The following CABIN1 variants were observed in gnomAD, a reference collection of about 807,000 sequenced individuals.
The protein encoded by CABIN1 is calcineurin binding protein 1.
CABIN1 carries 133 observed loss-of-function variants against 227.7 expected under a neutral mutation model. That is an observed-to-expected ratio of 0.58 (90% CI 0.51 to 0.67). The LOEUF (loss-of-function observed/expected upper bound fraction) is 0.67. Among genes scored for constraint, CABIN1 ranks in the 30% least tolerant of loss-of-function variants. CABIN1 has a pLI of 0.00. For missense variants in CABIN1, 2,408 were observed against 2,852.5 expected (o/e 0.84, Z 3.55); for synonymous variants, 1,086 against 1,155.1 (o/e 0.94, Z 1.21).
intron 28 of CABIN1, among the ~76,000 whole-genome samples, chr22:24,121,859 T>C (rs1427716134): frequency 2.0e-5 from 3 of 152,258 alleles, no homozygotes; most frequent in African/African-American, 7.2e-5. Context: ...TGGTCAGCTC[T>C]GACCAGGATC....
chr22:24,111,709 A>G (rs1010856088), intron 26 of CABIN1, among the ~76,000 whole-genome samples: 3 of 152,248 alleles, frequency 2.0e-5, no homozygotes, highest in African/African-American at 7.2e-5. Context: ...TCAAAATTCA[A>G]AATTTGAAGT....
chr22:24,093,571 TA>T (rs1010261303), intron 24 of CABIN1, among the ~76,000 whole-genome samples: 25 of 148,704 alleles, frequency 1.7e-4, no homozygotes, highest in East Asian at 1.0e-3. Context: ...AAAACTCATT[TA>T]AAAAAAAATG....
intron 28 of CABIN1, among the ~76,000 whole-genome samples, chr22:24,131,895 A>G (rs1337089532): frequency 6.6e-6 from 1 of 152,060 alleles, no homozygotes; most frequent in African/African-American, 2.4e-5. Context: ...GTGAAACCCC[A>G]TCTCTACTAA....
At chr22:24,116,865 G>A (rs1206215742) in intron 27 of CABIN1, among the ~76,000 whole-genome samples, 2 of 152,212 alleles carry the variant, frequency 1.3e-5, no homozygotes, top group Non-Finnish European at 2.9e-5. Context: ...GTTGGCCTTG[G>A]CATATGCACC....
intron 29 of CABIN1, among the ~76,000 whole-genome samples, chr22:24,145,979 G>A (rs770499783): frequency 2.0e-5 from 3 of 152,182 alleles, no homozygotes; most frequent in Admixed American, 6.5e-5. Context: ...TCTGCCTCTG[G>A]CTCTGCCCTT....
At position 24,178,238 on chromosome 22, in the gene CABIN1, C is replaced by T. The variant is rs919930528; in HGVS notation, c.*42C>T. The T allele has an allele frequency of 1.2e-6, 2 of 1,610,822 alleles. No homozygotes were observed. The highest frequency in any genetic ancestry group is 1.3e-5 in the African/African-American group (1 of 74,872). ...CACCGCCACGCCCCAGGGGACCAGC[C>T]AGGCCTGGAATGCCCCCTGGGCAGG... On this transcript the variant is annotated 3_prime_UTR_variant, in exon 37 of 37. Coordinates refer to ENST00000263119, the MANE Select transcript of CABIN1 (RefSeq NM_012295.4).
chr22:24,093,376 C>T (rs758381123), intron 24 of CABIN1, among the ~76,000 whole-genome samples: 2 of 150,774 alleles, frequency 1.3e-5, no homozygotes, highest in African/African-American at 4.9e-5. Flanking sequence ...TATGGTGAAA[C>T]CTTATCTCTA....
In CABIN1 at chr22:24,060,043, T is replaced by A. The variant is rs749149158; in HGVS notation, c.1519T>A (p.Leu507Met). The A allele has an allele frequency of 1.2e-6, 2 of 1,614,130 alleles. No homozygotes were observed. Among genetic ancestry groups the A allele is most frequent in the Admixed American group, 3.3e-5 (2 of 60,020 alleles). The stretch of plus-strand genomic sequence containing the variant: ...GTTCTTGGTAAGGTGGCCTCCAGGC[T>A]TGGCGGAGGTCGTGCTCAGCGTCTA... Reference protein sequence around the residue: ...HKFLVRWPPGLAEVVLSVYHS... With the variant: ...HKFLVRWPPGMAEVVLSVYHS... The change falls in exon 12 of 37, where the codon TTG (leucine) becomes ATG (methionine). Residue 507 changes from leucine (L) to methionine (M), a missense_variant. Leu to Met is a conservative substitution (Grantham distance 15, BLOSUM62 2). Transcript: ENST00000263119.
At chr22:24,019,278 G>A (rs980702230) in intron 1 of CABIN1, among the ~76,000 whole-genome samples, 5 of 151,864 alleles carry the variant, frequency 3.3e-5, no homozygotes, top group African/African-American at 1.2e-4. Context: ...TTACAGGCAT[G>A]CGCCACCATG....
intron 29 of CABIN1, among the ~76,000 whole-genome samples, chr22:24,150,870 C>T (rs1031770220): frequency 5.3e-5 from 8 of 152,188 alleles, no homozygotes; most frequent in African/African-American, 1.9e-4. Context: ...CTGTCCCATT[C>T]CCTCACATAA....
At chr22:24,017,537 A>G (rs1202855545) in intron 1 of CABIN1, among the ~76,000 whole-genome samples, 1 of 152,140 alleles carries the variant, frequency 6.6e-6, no homozygotes, top group African/African-American at 2.4e-5. Flanking sequence ...GTTTCTATGA[A>G]TTTGACTACT....
chr22:24,139,757 G>A (rs2044640700), intron 29 of CABIN1, among the ~76,000 whole-genome samples: 2 of 152,174 alleles, frequency 1.3e-5, no homozygotes, highest in African/African-American at 4.8e-5. Context: ...GTGCGTCTTT[G>A]TGCTGTTGCT....
chr22:24,093,340 C>G (rs1009891735), intron 24 of CABIN1, among the ~76,000 whole-genome samples: 2 of 151,172 alleles, frequency 1.3e-5, no homozygotes, highest in Non-Finnish European at 2.9e-5. Flanking sequence ...CACCTGAGGT[C>G]AGGAGTTCGA....
At chr22:24,168,002 C>T (rs1020167722) in intron 32 of CABIN1, among the ~76,000 whole-genome samples, 2 of 152,218 alleles carry the variant, frequency 1.3e-5, no homozygotes, top group Non-Finnish European at 2.9e-5. Context: ...GCTCAGAAGA[C>T]TCCCCTCTTC....
chr22:24,036,057 A>G (rs1189401343), intron 2 of CABIN1, 32 bp from the exon 3 acceptor site: 3 of 1,480,366 alleles, frequency 2.0e-6, no homozygotes, highest in African/African-American at 1.4e-5. Context: ...TCTCAAAGCA[A>G]CTTGTCTCTT....
At chr22:24,165,413 A>G (rs780558250) in intron 30 of CABIN1, 117 bp from the exon 31 acceptor site, 17 of 935,636 alleles carry the variant, frequency 1.8e-5, no homozygotes, top group Non-Finnish European at 2.5e-5. Flanking sequence ...GTTAGGTGGA[A>G]CACTGAGGAA....
rs1383394437 is a variant in CABIN1 at position 24,177,989 on chromosome 22, G to A, written c.6520-64G>A. On this transcript the variant is annotated intron_variant, in intron 36 of 36. Coordinates refer to ENST00000263119, the MANE Select transcript of CABIN1 (RefSeq NM_012295.4). This position sits in a 1 kb window ranked among gnomAD's most constrained non-coding sequence, Gnocchi z 4.4. ...GGGGCCTGGGGCAGGGGTGAAGGTG[G>A]CAGAGGGGCTTGGGGCAGAGCCCAG... is the stretch of plus-strand genomic sequence containing the variant. 3 of 1,607,786 alleles carry A rather than the reference G, an allele frequency of 1.9e-6. No individual in the cohort carries two copies. The highest frequency in any genetic ancestry group is 2.5e-6 in the Non-Finnish European group (3 of 1,178,326).
intron 28 of CABIN1, among the ~76,000 whole-genome samples, chr22:24,129,434 C>A (rs1324769151): frequency 6.6e-6 from 1 of 152,180 alleles, no homozygotes; most frequent in African/African-American, 2.4e-5. Flanking sequence ...AGTGCTGGCA[C>A]CCTGGCCTTG....
rs74823396 is a variant in CABIN1, at chr22:24,042,326, T to C, written c.346-578T>C. On this transcript the variant is annotated intron_variant, in intron 5 of 36. Coordinates refer to ENST00000263119, the MANE Select transcript of CABIN1 (RefSeq NM_012295.4). ...TACAGATATTCAGATTGACAAAATATATCAAGACAATGGGGAAACTGAGGC... is the reference window on the plus strand; with the variant it reads ...TACAGATATTCAGATTGACAAAATACATCAAGACAATGGGGAAACTGAGGC... Among the ~76,000 whole-genome samples, 963 of 152,320 alleles carry C rather than the reference T, an allele frequency of 6.3e-3. 11 individuals are homozygous for C. Among genetic ancestry groups the C allele is most frequent in the African/African-American group, 0.022 (935 of 41,566 alleles).
Sources: gnomAD v4.1 joint callset for allele counts (sites outside exome capture counted in the v4.1 genomes callset) on GRCh38, gnomAD v4.1.1 for gene constraint, Gnocchi (gnomAD v3.1) non-coding constraint, MANE v1.5 for transcripts, NCBI Gene and HGNC (gene_info 2026-07-23, HGNC 2026-07-21) for gene names.